Variants in WWOX observed in about 807,000 individuals in gnomAD.
WWOX encodes WW domain containing oxidoreductase, also known as WW domain-containing oxidoreductase.
Under a neutral mutation model 46.2 loss-of-function variants are expected in WWOX, and 69 were observed. That is an observed-to-expected ratio of 1.49 (90% confidence interval 1.23 to 1.82). WWOX has a LOEUF of 1.82. Ranked by LOEUF, WWOX falls within the 40% of genes most tolerant of loss-of-function variation. The pLI is 0.00. For synonymous variants in WWOX, 359 were observed against 202.6 expected, an observed-to-expected ratio of 1.77 and a Z score of -6.56; for missense variants, 919 against 542.6, an observed-to-expected ratio of 1.69 and a Z score of -6.89.
intron 8 of WWOX, among the ~76,000 whole-genome samples, chr16:78,997,057 C>A (rs2047004507): frequency 6.6e-6 from 1 of 152,166 alleles, no homozygotes; most frequent in Non-Finnish European, 1.5e-5. Context: ...CACAGAGCGG[C>A]TGTCAGATTC....
At chr16:79,164,406 G>T (rs951716783) in intron 8 of WWOX, among the ~76,000 whole-genome samples, 2 of 152,112 alleles carry the variant, frequency 1.3e-5, no homozygotes, top group Non-Finnish European at 2.9e-5. Flanking sequence ...TTCCCCGACA[G>T]GCTGCCCTTG....
At chr16:78,323,349 T>A (rs1392160844) in intron 5 of WWOX, among the ~76,000 whole-genome samples, 1 of 152,092 alleles carries the variant, frequency 6.6e-6, no homozygotes, top group African/African-American at 2.4e-5. Context: ...TCATGATCTG[T>A]CAGCCTCAGC....
chr16:78,732,494 C>A (rs1316434116), intron 8 of WWOX, among the ~76,000 whole-genome samples: 1 of 152,112 alleles, frequency 6.6e-6, no homozygotes, highest in East Asian at 1.9e-4. Context: ...TGACTGTCCC[C>A]TTTGTGCCAT....
chr16:79,045,760 G>C (rs1420389691), intron 8 of WWOX, among the ~76,000 whole-genome samples: 2 of 125,046 alleles, frequency 1.6e-5, no homozygotes, highest in Non-Finnish European at 3.3e-5. Flanking sequence ...TCTGGAGCTC[G>C]TCTTTCCTTT....
intron 8 of WWOX, among the ~76,000 whole-genome samples, chr16:78,789,627 C>T (rs559629894): frequency 6.6e-6 from 1 of 152,176 alleles, no homozygotes; most frequent in Non-Finnish European, 1.5e-5. Context: ...TTTGGGTATT[C>T]TGGGTCCCTT....
intron 8 of WWOX, among the ~76,000 whole-genome samples, chr16:78,456,979 C>A (rs893905236): frequency 6.6e-6 from 1 of 152,244 alleles, no homozygotes; most frequent in African/African-American, 2.4e-5. Flanking sequence ...TGTGGGCTGG[C>A]AGCATTTTTG....
At chr16:78,416,620 G>A (rs910421359) in intron 6 of WWOX, among the ~76,000 whole-genome samples, 34 of 152,172 alleles carry the variant, frequency 2.2e-4, no homozygotes, top group African/African-American at 8.2e-4. Context: ...TTGAGAGAAT[G>A]TACAGGCAAG....
At chr16:78,375,129 T>A (rs1199343734) in intron 5 of WWOX, among the ~76,000 whole-genome samples, 3 of 152,226 alleles carry the variant, frequency 2.0e-5, no homozygotes, top group Non-Finnish European at 4.4e-5. Context: ...CTCCTTTGCT[T>A]CTGGAGATCC....
intron 8 of WWOX, among the ~76,000 whole-genome samples, chr16:78,973,877 C>T (rs1386251837): frequency 6.6e-6 from 1 of 152,234 alleles, no homozygotes; most frequent in Non-Finnish European, 1.5e-5. Flanking sequence ...TTTCTATCTC[C>T]AACTAGGGAA....
chr16:78,749,580 G>C (rs1310157678), intron 8 of WWOX, among the ~76,000 whole-genome samples: 1 of 152,004 alleles, frequency 6.6e-6, no homozygotes, highest in Non-Finnish European at 1.5e-5. Flanking sequence ...TATTTCAGTG[G>C]GGAAAAAAAG....
chr16:79,021,505 A>G (rs1159563445), intron 8 of WWOX, among the ~76,000 whole-genome samples: 1 of 152,172 alleles, frequency 6.6e-6, no homozygotes, highest in African/African-American at 2.4e-5. Flanking sequence ...CTAGTAACAA[A>G]TGTTCTTCCT....
chr16:79,198,008 C>A (rs897736915), intron 8 of WWOX, among the ~76,000 whole-genome samples: 2 of 152,036 alleles, frequency 1.3e-5, no homozygotes, highest in African/African-American at 4.8e-5. Context: ...GGTCATCTAC[C>A]AAAATCTGAG....
At chr16:79,127,695 C>G (rs975734883) in intron 8 of WWOX, among the ~76,000 whole-genome samples, 5 of 152,250 alleles carry the variant, frequency 3.3e-5, no homozygotes, top group South Asian at 2.1e-4. Flanking sequence ...CCAAATTGCC[C>G]TCTACGGAGG....
intron 8 of WWOX, among the ~76,000 whole-genome samples, chr16:78,817,227 A>G (rs1484945907): frequency 8.0e-6 from 1 of 125,140 alleles, no homozygotes; most frequent in Admixed American, 1.0e-4. Context: ...TCTGATTCAC[A>G]AAGAATAGGG....
intron 8 of WWOX, among the ~76,000 whole-genome samples, chr16:78,947,954 T>C (rs1391660912): frequency 6.6e-6 from 1 of 152,196 alleles, no homozygotes; most frequent in African/African-American, 2.4e-5. Context: ...TAAATCATTA[T>C]TTCTTAGATG....
At chr16:79,161,988 C>T (rs968725144) in intron 8 of WWOX, among the ~76,000 whole-genome samples, 2 of 152,208 alleles carry the variant, frequency 1.3e-5, no homozygotes, top group African/African-American at 4.8e-5. Flanking sequence ...AGTAAATTGG[C>T]AGTGGCCAGG....
chr16:78,375,705 C>T (rs910883857), intron 5 of WWOX, among the ~76,000 whole-genome samples: 3 of 152,024 alleles, frequency 2.0e-5, no homozygotes, highest in African/African-American at 7.2e-5. Flanking sequence ...AGTCTACTTC[C>T]AGGAATTCAT....
chr16:78,792,178 C>G (rs1264994057), intron 8 of WWOX, among the ~76,000 whole-genome samples: 1 of 152,118 alleles, frequency 6.6e-6, no homozygotes, highest in Non-Finnish European at 1.5e-5. Flanking sequence ...ACATTCGATT[C>G]TCGCCATCTC....
intron 8 of WWOX, among the ~76,000 whole-genome samples, chr16:78,819,563 A>C (rs1487699676): frequency 6.6e-6 from 1 of 152,218 alleles, no homozygotes; most frequent in Non-Finnish European, 1.5e-5. Flanking sequence ...CGGAATTGCC[A>C]CTGTGGGTAC....
Sources: allele counts gnomAD v4.1 joint callset (sites outside exome capture counted in the v4.1 genomes callset), GRCh38; gene constraint gnomAD v4.1.1; transcripts MANE v1.5; gene names NCBI Gene and HGNC (gene_info 2026-07-23, HGNC 2026-07-21).